Variants in DRC7 observed in about 807,000 individuals in gnomAD.
DRC7 encodes coiled-coil domain containing 135.
In DRC7, 80 loss-of-function variants were observed where a neutral mutation model predicts 104.4. The ratio of observed to expected loss-of-function variants is 0.77; its 90% CI spans 0.64 to 0.92. The LOEUF (loss-of-function observed/expected upper bound fraction) is 0.92, where lower values mean the gene tolerates loss of function less well. Among genes scored for constraint, DRC7 ranks in the 40% least tolerant of loss-of-function variants. The pLI is 0.00. For synonymous variants in DRC7, 405 were observed against 447.3 expected (o/e 0.91, Z 1.19); for missense variants, 1,034 against 1,141.1 (o/e 0.91, Z 1.35).
chr16:57,730,410 TGGATGGGCAGGGATGGGTGGAG>T (rs1473166218), intron 17 of DRC7, among the ~76,000 whole-genome samples: 1 of 151,256 alleles, frequency 6.6e-6, no homozygotes, highest in Non-Finnish European at 1.5e-5. Context: ...GATGGACGGA[TGGATGGGCAGGGATGGGTGGAG>T]GGATGGGCAG....
intron 8 of DRC7, among the ~76,000 whole-genome samples, chr16:57,709,108 G>A (rs2048764880): frequency 7.1e-6 from 1 of 140,446 alleles, no homozygotes; most frequent in Non-Finnish European, 1.5e-5. Flanking sequence ...CAGCCTGGGC[G>A]ACAAAGCAAG....
rs201020007 is a variant in DRC7 at position 57,729,606 on chromosome 16, G to A, written c.2391+1022G>A. ...AGTGGGTGGGTGGATGGATGGATGG[G>A]TGAGTGAGTGGGTGGGTGGATGGAT... On this transcript the variant is annotated intron_variant, in intron 17 of 18. Transcript: ENST00000360716. Among the ~76,000 whole-genome samples, 25 of 55,884 alleles carry A rather than the reference G, an allele frequency of 4.5e-4. 1 individual carries two copies. Among genetic ancestry groups the A allele is most frequent in the East Asian group, 8.5e-4 (1 of 1,180 alleles). The allele number at this position is 55,884 out of a possible 152,430, so 36.7% of individuals were successfully genotyped here. A position where few individuals can be genotyped will look rare whatever the true frequency, so the allele number is the denominator to read the frequency against.
chr16:57,724,987 A>G (rs1403496190), intron 13 of DRC7, 152 bp downstream of exon 13: 11 of 625,550 alleles, frequency 1.8e-5, no homozygotes, highest in African/African-American at 9.2e-5. Context: ...TACCAAATGT[A>G]TTAGTCTGTT....
chr16:57,731,298 G>A lies in DRC7; in HGVS notation c.*40G>A. ...CCTCAGCCAGAGCTGCCAGAGAAAG[G>A]AAACCTCTTCCCGCAGCCTGGCTCC... On this transcript the variant is annotated 3_prime_UTR_variant, in exon 19 of 19. Transcript: ENST00000360716. 4.6e-6 allele frequency: 7 copies of A among 1,529,810 alleles called. No homozygotes were observed. The highest frequency in any genetic ancestry group is 2.3e-5 in the East Asian group (1 of 44,428). The allele number at this position is 1,529,810 out of a possible 1,614,324, so 94.8% of individuals were successfully genotyped here. A position where few individuals can be genotyped will look rare whatever the true frequency, so the allele number is the denominator to read the frequency against.
Position 57,726,257 on chromosome 16 carries a change from A to T in DRC7, c.1948A>T (p.Thr650Ser). 1 of 1,612,310 alleles carries T rather than the reference A, an allele frequency of 6.2e-7. No homozygotes were observed. The highest frequency in any genetic ancestry group is 8.5e-7 in the Non-Finnish European group (1 of 1,179,370). ...VDSKGNKIIMTPDMCISFEVE... is the reference protein window; with the variant it reads ...VDSKGNKIIMSPDMCISFEVE... ...CAGCAAAGGCAACAAGATCATCATGACGCCCGACATGTGCATCAGCTTCGA... is the reference window on the plus strand; with the variant it reads ...CAGCAAAGGCAACAAGATCATCATGTCGCCCGACATGTGCATCAGCTTCGA... Residue 650 changes from threonine (T) to serine (S), a missense_variant, in exon 14 of 19, where the codon ACG becomes TCG. Thr to Ser is a moderately conservative substitution (Grantham distance 58, BLOSUM62 1). Coordinates refer to ENST00000360716, the MANE Select transcript of DRC7 (RefSeq NM_001289162.2).
chr16:57,712,287 T>A (rs1360103731), intron 8 of DRC7, among the ~76,000 whole-genome samples: 1 of 152,210 alleles, frequency 6.6e-6, no homozygotes, highest in Non-Finnish European at 1.5e-5. Context: ...ATATCCACTT[T>A]AATCATATGC....
intron 8 of DRC7, among the ~76,000 whole-genome samples, chr16:57,709,315 C>A (rs1454414495): frequency 6.6e-6 from 1 of 151,862 alleles, no homozygotes; most frequent in Admixed American, 6.6e-5. Flanking sequence ...TTTTTCATTT[C>A]TTTTTCTTGT....
chr16:57,728,553 AG>A lies in DRC7; in HGVS notation c.2362del (p.Ala788ProfsTer27). On this transcript the variant is annotated frameshift_variant, in exon 17 of 19. Transcript: ENST00000360716. LOFTEE classifies it high-confidence loss of function. ...LSDFKQRLINKANLIQARFEK... is the reference protein window; with the variant it reads ...LSDFKQRLINXANLIQARFEK... ...GACTTCAAGCAGCGGCTCATCAACA[AG>A]GCCAACCTCATCCAGGCCCGCTTTG... 1 of 1,608,596 alleles carries A rather than the reference AG, an allele frequency of 6.2e-7. No individual in the cohort carries two copies. Among genetic ancestry groups the A allele is most frequent in the Non-Finnish European group, 8.5e-7 (1 of 1,177,648 alleles).
intron 16 of DRC7, 91 bp downstream of exon 16, chr16:57,727,500 A>C: frequency 1.1e-6 from 1 of 897,724 alleles, no homozygotes; most frequent in Non-Finnish European, 1.8e-6. Context: ...CTGCTGAGAA[A>C]CCCTCTGTGG....
intron 8 of DRC7, among the ~76,000 whole-genome samples, chr16:57,717,888 C>T (rs1048232532): frequency 1.3e-5 from 2 of 152,148 alleles, no homozygotes; most frequent in African/African-American, 2.4e-5. Context: ...TGCCTATTTC[C>T]CTTGTTCCTG....
At chr16:57,695,754 C>T (rs2048586420) in intron 1 of DRC7, among the ~76,000 whole-genome samples, 1 of 152,218 alleles carries the variant, frequency 6.6e-6, no homozygotes, top group Admixed American at 6.5e-5. Flanking sequence ...AAAATATCTG[C>T]CCTCCCTTCC....
rs2048925330 is a variant in DRC7, at chr16:57,723,252, C to G, written c.1537+122C>G. Reference sequence around the variant, plus strand: ...ATATTATACATGGGTTCTTGGGCAGCAAGCAGTAGAAGCTGCCCTGCCTCC... The same window carrying G: ...ATATTATACATGGGTTCTTGGGCAGGAAGCAGTAGAAGCTGCCCTGCCTCC... On this transcript the variant is annotated intron_variant, in intron 12 of 18. Coordinates refer to ENST00000360716, the MANE Select transcript of DRC7 (RefSeq NM_001289162.2). 6.6e-6 allele frequency: 8 copies of G among 1,218,426 alleles called. No homozygotes were observed. In the Admixed American group the frequency reaches 1.3e-4, roughly 20 times the overall value. 75.5% of individuals were successfully genotyped at this position (1,218,426 alleles called of 1,614,324 possible).
chr16:57,704,376 T>TACAC (rs55873452), intron 6 of DRC7, among the ~76,000 whole-genome samples: 24,939 of 148,942 alleles, frequency 0.17, 2,341 homozygotes, highest in East Asian at 0.43. Context: ...CACGCAAGCG[T>TACAC]ACACACACAC....
At chr16:57,699,322 C>T (rs1231319492) in intron 4 of DRC7, among the ~76,000 whole-genome samples, 1 of 152,202 alleles carries the variant, frequency 6.6e-6, no homozygotes, top group Non-Finnish European at 1.5e-5. Context: ...AGAGGAGACT[C>T]GGGATTTGTG....
In DRC7 at chr16:57,722,972, G is replaced by T. The variant is rs1414663002; in HGVS notation, c.1409-30G>T. The T allele has an allele frequency of 5.0e-6, 8 of 1,613,600 alleles. No homozygotes were observed. In the South Asian group the frequency reaches 8.8e-5, roughly 18 times the overall value. On this transcript the variant is annotated intron_variant, in intron 11 of 18. Transcript: ENST00000360716. ...GGTTGAAGGCTAGGGGAGCTGGCCT[G>T]GCTGCGGCAAGTGTCCATCGGCCCC... is the stretch of plus-strand genomic sequence containing the variant.
chr16:57,728,541 G>A lies in DRC7; in HGVS notation c.2348G>A (p.Arg783Gln), dbSNP rs199903829. Residue 783 changes from arginine to glutamine, a missense_variant, in exon 17 of 19, where the codon CGG (arginine) becomes CAG (glutamine). Physicochemically the swap from Arg to Gln is conservative, Grantham distance 43. Coordinates refer to ENST00000360716, the MANE Select transcript of DRC7 (RefSeq NM_001289162.2). ...GAGTGCCTCAGCGACTTCAAGCAGC[G>A]GCTCATCAACAAGGCCAACCTCATC... ...KDECLSDFKQ[R>Q]LINKANLIQA... 8.3e-5 allele frequency: 134 copies of A among 1,610,474 alleles called. No individual in the cohort carries two copies. Among genetic ancestry groups the A allele is most frequent in the East Asian group, 1.3e-4 (6 of 44,750 alleles).
intron 8 of DRC7, chr16:57,713,960 G>A: frequency 5.0e-6 from 1 of 199,002 alleles, no homozygotes; most frequent in Admixed American, 4.9e-5. Context: ...TTGATGGGAG[G>A]TGCAGGTTGT....
intron 15 of DRC7, 88 bp downstream of exon 15, chr16:57,727,030 G>A (rs1211912381): frequency 2.4e-6 from 2 of 849,348 alleles, no homozygotes; most frequent in African/African-American, 1.7e-5. Flanking sequence ...GGAATGCAGT[G>A]GCGCAATTAT....
rs1205294677 is a variant in DRC7 at position 57,731,538 on chromosome 16, C to T, written c.*280C>T. 4.2e-6 allele frequency: 2 copies of T among 479,010 alleles called. No homozygotes were observed. Among genetic ancestry groups the T allele is most frequent in the East Asian group, 3.9e-5 (1 of 25,694 alleles). 29.7% of individuals were successfully genotyped at this position (479,010 alleles called of 1,614,324 possible). On this transcript the variant is annotated 3_prime_UTR_variant, in exon 19 of 19. Transcript: ENST00000360716. ...TAGCCTGGGACCACCCCCTTCCTCC[C>T]CTTGGCCTGTCGTTTGCTTCCTGTC...
Sources: allele counts gnomAD v4.1 joint callset (sites outside exome capture counted in the v4.1 genomes callset), GRCh38; gene constraint gnomAD v4.1.1; transcripts MANE v1.5; gene names NCBI Gene and HGNC (gene_info 2026-07-23, HGNC 2026-07-21).